The following SNAP47 variants were observed in gnomAD, a reference collection of about 807,000 sequenced individuals.
SNAP47 encodes synaptosomal-associated protein 47.
SNAP47 carries 20 observed loss-of-function variants against 31.4 expected under a neutral mutation model. That is an observed-to-expected ratio of 0.64 (90% confidence interval 0.45 to 0.93). The LOEUF is 0.93. Among genes scored for constraint, SNAP47 ranks in the 40% least tolerant of loss-of-function variants. The pLI is 0.00. For missense variants in SNAP47, 492 were observed against 528.5 expected (o/e 0.93, Z 0.68); for synonymous variants, 194 against 213.4 (o/e 0.91, Z 0.79).
upstream of SNAP47, chr1:227,734,225 G>A (rs138775161): frequency 6.9e-5 from 43 of 620,854 alleles, no homozygotes; most frequent in African/African-American, 7.4e-4. Flanking sequence ...TGACTACAAT[G>A]GTTCTGCTTA....
At chr1:227,768,461 C>A in intron 4 of SNAP47, 1 of 331,908 alleles carries the variant, frequency 3.0e-6, no homozygotes, top group Non-Finnish European at 4.3e-6. Context: ...TAAAGACACT[C>A]TGTCTCTTAT....
intron 2 of SNAP47, among the ~76,000 whole-genome samples, chr1:227,756,228 T>G (rs1662682978): frequency 6.6e-6 from 1 of 152,166 alleles, no homozygotes; most frequent in Admixed American, 6.6e-5. Context: ...AAATTTGGCT[T>G]AATAAAAGCA....
upstream of SNAP47, chr1:227,732,722 C>A (rs1048988992): frequency 3.1e-6 from 5 of 1,602,672 alleles, no homozygotes; most frequent in Non-Finnish European, 4.3e-6. Context: ...TGGACACAGT[C>A]CAAGCTGCAA....
At chr1:227,765,678 C>T (rs1663346877) in intron 3 of SNAP47, among the ~76,000 whole-genome samples, 2 of 152,208 alleles carry the variant, frequency 1.3e-5, no homozygotes, top group Non-Finnish European at 2.9e-5. Context: ...ATCTGTCCCG[C>T]TGGTGCTATC....
chr1:227,740,285 C>T (rs1661506826), intron 1 of SNAP47, among the ~76,000 whole-genome samples: 1 of 152,158 alleles, frequency 6.6e-6, no homozygotes, highest in South Asian at 2.1e-4. Context: ...CCTGCAGAGT[C>T]CATGAGGCTG....
intron 4 of SNAP47, among the ~76,000 whole-genome samples, chr1:227,775,388 A>G (rs1664093704): frequency 6.6e-6 from 1 of 152,044 alleles, no homozygotes; most frequent in African/African-American, 2.4e-5. Context: ...TCAGTGAGTC[A>G]GCTTAATGAC....
At chr1:227,745,071 T>C (rs1661874458) in intron 1 of SNAP47, among the ~76,000 whole-genome samples, 1 of 152,236 alleles carries the variant, frequency 6.6e-6, no homozygotes, top group Non-Finnish European at 1.5e-5. Flanking sequence ...CCTGAGGCAG[T>C]GGTTTCAAAT....
At chr1:227,735,264 C>T, upstream of SNAP47, 1 of 1,605,134 alleles carries the variant, frequency 6.2e-7, no homozygotes, top group Non-Finnish European at 8.5e-7. Flanking sequence ...GCGCGCGTCT[C>T]GCGGTCCATC....
At chr1:227,746,709 G>C (rs971032523) in intron 1 of SNAP47, 10 of 152,240 alleles carry the variant, frequency 6.6e-5, no homozygotes, top group African/African-American at 2.4e-4. Context: ...TTGATGTCTG[G>C]GGGGATTACA....
rs564402325 is a variant in SNAP47 at position 227,770,452 on chromosome 1, G to A, written c.1113+3369G>A. 71 of 153,820 alleles carry A rather than the reference G, an allele frequency of 4.6e-4. 3 individuals carry two copies. In the Middle Eastern group the frequency reaches 0.018, roughly 39 times the overall value. The allele number at this position is 153,820 out of a possible 1,614,324, so 9.5% of individuals were successfully genotyped here. ...CCCACTCCACAGCGTCATGTCCCAT[G>A]TGGACCAGTTCTGGTGATTTGCTGG... is the stretch of plus-strand genomic sequence containing the variant. On this transcript the variant is annotated intron_variant, in intron 4 of 4. Transcript: ENST00000617596.
In SNAP47 at chr1:227,780,614, G is replaced by A. The variant is rs1271044753; in HGVS notation, c.1201G>A (p.Val401Met). 6.2e-7 allele frequency: 1 copy of A among 1,614,234 alleles called. No individual in the cohort carries two copies. The highest frequency in any genetic ancestry group is 8.5e-7 in the Non-Finnish European group (1 of 1,180,042). The change falls in exon 5 of 5, where the codon GTG becomes ATG. Residue 401 changes from valine (V) to methionine (M), a missense_variant. Transcript: ENST00000617596. ...DEALDGVAAA[V>M]DRATLTIDKH... ...AGCCCTGGATGGCGTTGCAGCAGCT[G>A]TGGACAGGGCAACCTTGACCATCGA...
chr1:227,737,544 C>A (rs1209855870), intron 1 of SNAP47, among the ~76,000 whole-genome samples: 1 of 152,210 alleles, frequency 6.6e-6, no homozygotes, highest in Non-Finnish European at 1.5e-5. Flanking sequence ...GGGCACCTGC[C>A]TTCCCTTTAT....
chr1:227,764,305 C>G (rs1438537886), intron 3 of SNAP47, among the ~76,000 whole-genome samples: 3 of 152,242 alleles, frequency 2.0e-5, no homozygotes, highest in African/African-American at 7.2e-5. Context: ...CCGCGCCCAG[C>G]AGAAACATCC....
intron 1 of SNAP47, among the ~76,000 whole-genome samples, chr1:227,729,795 G>A (rs1254221873): frequency 6.6e-6 from 1 of 152,172 alleles, no homozygotes; most frequent in Non-Finnish European, 1.5e-5. Flanking sequence ...ACAATTGCAA[G>A]CCCAGGGCAG....
At chr1:227,752,057 G>A (rs139417095) in intron 2 of SNAP47, among the ~76,000 whole-genome samples, 14 of 152,198 alleles carry the variant, frequency 9.2e-5, no homozygotes, top group South Asian at 2.1e-4. Flanking sequence ...GAACCACCGC[G>A]CCCGGCCAAG....
chr1:227,743,528 CG>C (rs1253781825), intron 1 of SNAP47, among the ~76,000 whole-genome samples: 2 of 152,224 alleles, frequency 1.3e-5, no homozygotes, highest in East Asian at 3.9e-4. Context: ...CTCTGCATTG[CG>C]TGTTCGAGAC....
chr1:227,778,348 G>A (rs1306445947), intron 4 of SNAP47, among the ~76,000 whole-genome samples: 1 of 152,252 alleles, frequency 6.6e-6, no homozygotes, highest in African/African-American at 2.4e-5. Flanking sequence ...GGAGCTGTGG[G>A]TCCTGGCAGG....
At chr1:227,769,496 G>C (rs200273064) in intron 4 of SNAP47, among the ~76,000 whole-genome samples, 1 of 151,996 alleles carries the variant, frequency 6.6e-6, no homozygotes, top group Non-Finnish European at 1.5e-5. Flanking sequence ...TACATTTCTG[G>C]GGAAAATAAA....
intron 4 of SNAP47, among the ~76,000 whole-genome samples, chr1:227,772,662 C>T (rs776470664): frequency 6.6e-6 from 1 of 152,100 alleles, no homozygotes; most frequent in Non-Finnish European, 1.5e-5. Context: ...AAGCTTTACC[C>T]CCATGTTTTC....
Sources: allele counts gnomAD v4.1 joint callset (sites outside exome capture counted in the v4.1 genomes callset), GRCh38; gene constraint gnomAD v4.1.1; transcripts MANE v1.5; gene names NCBI Gene and HGNC (gene_info 2026-07-23, HGNC 2026-07-21).